SPC25: variants seen among roughly 807,000 people sequenced by gnomAD.
SPC25 encodes SPC25 component of NDC80 kinetochore complex.
In SPC25, 22 loss-of-function variants were observed where a neutral mutation model predicts 29.6. The observed-to-expected ratio is 0.74, with a 90% CI of 0.53 to 1.06. The LOEUF (loss-of-function observed/expected upper bound fraction) is 1.06. Among genes scored for constraint, SPC25 ranks in the 50% least tolerant of loss-of-function variants. SPC25 has a pLI of 0.00. For missense variants in SPC25, 230 were observed against 255.8 expected (o/e 0.90, Z 0.69); for synonymous variants, 91 against 90.4 (o/e 1.01, Z -0.04).
At chr2:168,890,032 C>A (rs1690365545) in intron 1 of SPC25, among the ~76,000 whole-genome samples, 1 of 152,134 alleles carries the variant, frequency 6.6e-6, no homozygotes, top group Admixed American at 6.5e-5. Context: ...CAAGTCACCT[C>A]GGGCCTCAGT....
downstream of SPC25, among the ~76,000 whole-genome samples, chr2:168,866,556 C>T (rs1457237630): frequency 2.6e-5 from 4 of 152,000 alleles, no homozygotes; most frequent in Non-Finnish European, 5.9e-5. Context: ...CCATTCAGGA[C>T]ATAGGCATGG....
intron 4 of SPC25, chr2:168,865,619 G>C (rs529752483): frequency 6.6e-6 from 1 of 152,298 alleles, no homozygotes; most frequent in African/African-American, 2.4e-5. Flanking sequence ...GTTCTGGCCA[G>C]GGCAATCAGG....
chr2:168,873,535 C>T (rs1690031731), intron 6 of SPC25, 50 bp downstream of exon 6: 2 of 1,302,620 alleles, frequency 1.5e-6, no homozygotes, highest in African/African-American at 1.5e-5. Flanking sequence ...ATTGAAATAA[C>T]ATTTTGGAAC....
At chr2:168,889,688 G>T (rs1487607051) in intron 1 of SPC25, among the ~76,000 whole-genome samples, 155 bp from the exon 2 acceptor site, 1 of 152,126 alleles carries the variant, frequency 6.6e-6, no homozygotes, top group Non-Finnish European at 1.5e-5. Context: ...CAAGCCACCT[G>T]GGCTTAACTG....
chr2:168,863,950 A>G (rs1689671109), intron 4 of SPC25, among the ~76,000 whole-genome samples: 1 of 151,694 alleles, frequency 6.6e-6, no homozygotes, highest in South Asian at 2.1e-4. Context: ...TTGCTCTGTC[A>G]CCCAGGCTGC....
intron 5 of SPC25, among the ~76,000 whole-genome samples, chr2:168,875,504 G>T (rs139966588): frequency 6.6e-6 from 1 of 151,990 alleles, no homozygotes; most frequent in Non-Finnish European, 1.5e-5. Flanking sequence ...TTACAACAAC[G>T]TACTGTAATA....
At position 168,864,883 on chromosome 2, in the gene SPC25, A is replaced by C. The variant is rs1689762365; in HGVS notation, n.419+8702T>G. The C allele has an allele frequency of 1.9e-6, 3 of 1,613,996 alleles. No homozygotes were observed. The South Asian group carries it at 3.3e-5, about 18-fold the overall frequency. ...AAAAAGAAGGAGGATGGTGGTTTGG[A>C]TCTTTGAATGGGAAAAAAGGCCATT... On this transcript the variant is annotated intron_variant and non_coding_transcript_variant, in intron 4 of 4. Transcript: ENST00000479309.
At chr2:168,867,711 T>G (rs1039762961), downstream of SPC25, among the ~76,000 whole-genome samples, 2 of 152,174 alleles carry the variant, frequency 1.3e-5, no homozygotes, top group African/African-American at 4.8e-5. Context: ...ATGCACCCAA[T>G]ACAGGAGCAC....
intron 4 of SPC25, chr2:168,861,953 A>G (rs1487435818): frequency 6.2e-7 from 1 of 1,613,936 alleles, no homozygotes; most frequent in Admixed American, 1.7e-5. Context: ...AGCTTTATCT[A>G]TTTCAGCCCC....
downstream of SPC25, among the ~76,000 whole-genome samples, chr2:168,866,929 T>C (rs534501815): frequency 6.6e-6 from 1 of 152,272 alleles, no homozygotes; most frequent in South Asian, 2.1e-4. Context: ...TGAGATACCA[T>C]CTCACACCAG....
At chr2:168,890,249 C>T in intron 1 of SPC25, 69 bp downstream of exon 1, 6 of 822,712 alleles carry the variant, frequency 7.3e-6, no homozygotes, top group Non-Finnish European at 8.8e-6. Flanking sequence ...CACATCCCGC[C>T]CTCAAATTCA....
At chr2:168,885,991 AC>A (rs1366169470) in intron 3 of SPC25, among the ~76,000 whole-genome samples, 2 of 151,778 alleles carry the variant, frequency 1.3e-5, no homozygotes, top group Non-Finnish European at 2.9e-5. Context: ...GAAGAACCAA[AC>A]CCTCCAGATT....
At chr2:168,883,866 G>A (rs909518676) in intron 3 of SPC25, among the ~76,000 whole-genome samples, 2 of 151,840 alleles carry the variant, frequency 1.3e-5, no homozygotes, top group Admixed American at 6.6e-5. Context: ...CGCCTCCTGG[G>A]TTCAAGCAAT....
At chr2:168,874,098 A>G (rs1690044388) in intron 5 of SPC25, among the ~76,000 whole-genome samples, 1 of 152,198 alleles carries the variant, frequency 6.6e-6, no homozygotes, top group Non-Finnish European at 1.5e-5. Flanking sequence ...TCCAAAGAAT[A>G]TATAAAAATG....
intron 3 of SPC25, among the ~76,000 whole-genome samples, chr2:168,888,957 GTATATATA>G (rs796932662): frequency 3.3e-5 from 3 of 91,674 alleles, no homozygotes; most frequent in African/African-American, 1.4e-4. Flanking sequence ...GTGTGTGTGT[GTATATATA>G]TATATATACA....
At position 168,871,315 on chromosome 2, in the gene SPC25, T is replaced by C; in HGVS notation, c.*116A>G. The C allele has an allele frequency of 9.8e-7, 1 of 1,015,362 alleles. No homozygotes were observed. The highest frequency in any genetic ancestry group is 1.4e-6 in the Non-Finnish European group (1 of 717,438). The allele number at this position is 1,015,362 out of a possible 1,614,324, so 62.9% of individuals were successfully genotyped here. A position where few individuals can be genotyped will look rare whatever the true frequency, so the allele number is the denominator to read the frequency against. On this transcript the variant is annotated 3_prime_UTR_variant, in exon 7 of 7. Coordinates refer to ENST00000282074, the MANE Select transcript of SPC25 (RefSeq NM_020675.4). ...CACATGTATACATATGTAACAAACC[T>C]GCACATTGTGCACATGTACCCTAAA...
chr2:168,889,321 C>G, intron 2 of SPC25, 30 bp from the exon 3 acceptor site: 2 of 1,613,442 alleles, frequency 1.2e-6, no homozygotes, highest in Non-Finnish European at 1.7e-6. Context: ...TTCAATTCAG[C>G]TGCAATAACA....
At chr2:168,886,838 A>G (rs1157282741) in intron 3 of SPC25, among the ~76,000 whole-genome samples, 1 of 152,202 alleles carries the variant, frequency 6.6e-6, no homozygotes, top group Non-Finnish European at 1.5e-5. Flanking sequence ...CTGATTTTTA[A>G]AAGAAAAATA....
chr2:168,886,462 T>A (rs913831545), intron 3 of SPC25, among the ~76,000 whole-genome samples: 5 of 152,304 alleles, frequency 3.3e-5, no homozygotes, highest in African/African-American at 1.2e-4. Flanking sequence ...ATAGCAGTCA[T>A]ATGTTCATTG....
Sources: allele counts gnomAD v4.1 joint callset (sites outside exome capture counted in the v4.1 genomes callset), GRCh38; gene constraint gnomAD v4.1.1; transcripts MANE v1.5; gene names NCBI Gene and HGNC (gene_info 2026-07-23, HGNC 2026-07-21).